Variants in ZNF391 observed in about 807,000 individuals in gnomAD.
The protein encoded by ZNF391 is zinc finger protein 391.
For synonymous variants in ZNF391, 126 were observed against 142.1 expected, an observed-to-expected ratio of 0.89 and a Z score of 0.80; for missense variants, 375 against 425.5, an observed-to-expected ratio of 0.88 and a Z score of 1.04.
At position 27,401,156 on chromosome 6, in the gene ZNF391, A is replaced by G. The variant is rs368168980; in HGVS notation, c.786A>G (p.Ser262=). The G allele has an allele frequency of 1.9e-6, 3 of 1,614,130 alleles. No individual in the cohort carries two copies. In the African/African-American group the frequency reaches 4.0e-5, roughly 22 times the overall value. ...SKCGKAFSWI[S]SLTEHQRTHT... ...GTGGAAAAGCTTTCAGTTGGATCTC[A>G]TCGCTTACTGAACATCAGAGAACAC... Residue 262 remains serine, a synonymous_variant, in exon 3 of 3, where the codon TCA becomes TCG. Coordinates refer to ENST00000244576, the MANE Select transcript of ZNF391 (RefSeq NM_001076781.3).
In ZNF391 at chr6:27,374,767, A is replaced by T. The variant is rs1375144154; in HGVS notation, n.153A>T. 3 of 151,952 alleles carry T rather than the reference A, an allele frequency of 2.0e-5. No homozygotes were observed. The highest frequency in any genetic ancestry group is 7.2e-5 in the African/African-American group (3 of 41,380). The allele number at this position is 151,952 out of a possible 1,614,324, so 9.4% of individuals were successfully genotyped here. ...GAGGCCGGGCTGAGCCCGGAATTTT[A>T]TGACCAGCGCCCGCTGGCCGTCGTC... On this transcript the variant is annotated non_coding_transcript_exon_variant, in exon 1 of 3. Transcript: ENST00000477999. The surrounding 1 kb of genome is among the most constrained non-coding windows in gnomAD (Gnocchi z 5.3).
intron 1 of ZNF391, among the ~76,000 whole-genome samples, chr6:27,392,532 A>G (rs1359407600): frequency 2.0e-5 from 3 of 152,214 alleles, no homozygotes; most frequent in South Asian, 2.1e-4. Flanking sequence ...GATTATAGGT[A>G]TGAGCCAAAG....
intron 1 of ZNF391, among the ~76,000 whole-genome samples, chr6:27,380,647 T>C (rs1346091034): frequency 1.3e-5 from 2 of 152,204 alleles, no homozygotes; most frequent in Non-Finnish European, 2.9e-5. Flanking sequence ...CCAAGTGGTC[T>C]GTTTTGACAG....
intron 1 of ZNF391, among the ~76,000 whole-genome samples, chr6:27,395,707 T>A (rs1434378634): frequency 6.6e-6 from 1 of 152,166 alleles, no homozygotes; most frequent in Non-Finnish European, 1.5e-5. Context: ...TCTGTCATAG[T>A]TCTTTCTCTT....
chr6:27,394,182 T>C (rs555132773), intron 1 of ZNF391, among the ~76,000 whole-genome samples: 1 of 152,060 alleles, frequency 6.6e-6, no homozygotes, highest in African/African-American at 2.4e-5. Context: ...GTCAAGAAAA[T>C]AGGAAAAAGG....
In ZNF391 at chr6:27,389,020, G is replaced by A. The variant is rs951629968; in HGVS notation, c.-243G>A. ...TGCGGGACCCGCCCGGGGTGTGTCG[G>A]GGGTACTCGGCCGGAGGCGGCCGGT... On this transcript the variant is annotated 5_prime_UTR_variant, in exon 1 of 3. Coordinates refer to ENST00000244576, the MANE Select transcript of ZNF391 (RefSeq NM_001076781.3). 6.6e-6 allele frequency: 3 copies of A among 456,328 alleles called. No individual in the cohort carries two copies. Among genetic ancestry groups the A allele is most frequent in the South Asian group, 4.6e-5 (3 of 64,536 alleles). The allele number at this position is 456,328 out of a possible 1,614,324, so 28.3% of individuals were successfully genotyped here. A position where few individuals can be genotyped will look rare whatever the true frequency, so the allele number is the denominator to read the frequency against.
intron 1 of ZNF391, among the ~76,000 whole-genome samples, chr6:27,381,579 C>A (rs911106400): frequency 6.6e-6 from 1 of 152,176 alleles, no homozygotes; most frequent in African/African-American, 2.4e-5. Context: ...GCGCCGAGAG[C>A]GAGCGAGGGC....
rs750411149 is a variant in ZNF391, at chr6:27,400,208, A to G, written c.-78-85A>G. ...AAAGTTGCTAGTATGCATGAATTCAAATTAGTTGTCTTTTCTCTGCTGGTT... is the reference window on the plus strand; with the variant it reads ...AAAGTTGCTAGTATGCATGAATTCAGATTAGTTGTCTTTTCTCTGCTGGTT... On this transcript the variant is annotated intron_variant, in intron 2 of 2. Transcript: ENST00000244576. The G allele has an allele frequency of 5.6e-4, 321 of 577,930 alleles. 1 individual carries two copies. Among genetic ancestry groups the G allele is most frequent in the Non-Finnish European group, 8.3e-4 (286 of 346,046 alleles). The allele number at this position is 577,930 out of a possible 1,614,324, so 35.8% of individuals were successfully genotyped here. A position where few individuals can be genotyped will look rare whatever the true frequency, so the allele number is the denominator to read the frequency against.
upstream of ZNF391, among the ~76,000 whole-genome samples, chr6:27,383,759 C>T (rs1022118129): frequency 2.0e-5 from 3 of 152,100 alleles, no homozygotes; most frequent in South Asian, 6.2e-4. Flanking sequence ...AGGGTTTCAA[C>T]TTATAAATTT....
At chr6:27,393,331 A>G (rs1254696084) in intron 1 of ZNF391, among the ~76,000 whole-genome samples, 1 of 152,048 alleles carries the variant, frequency 6.6e-6, no homozygotes, top group Non-Finnish European at 1.5e-5. Flanking sequence ...TGGTTGTGTA[A>G]AAGTGTGTGG....
At position 27,401,760 on chromosome 6, in the gene ZNF391, G is replaced by C. The variant is rs925529344; in HGVS notation, c.*313G>C. 4.9e-6 allele frequency: 1 copy of C among 204,082 alleles called. No individual in the cohort carries two copies. Among genetic ancestry groups the C allele is most frequent in the East Asian group, 1.1e-4 (1 of 9,034 alleles). The allele number at this position is 204,082 out of a possible 1,614,324, so 12.6% of individuals were successfully genotyped here. A position where few individuals can be genotyped will look rare whatever the true frequency, so the allele number is the denominator to read the frequency against. ...CATATGAAATCTAATATTCTGAAGG[G>C]CTCCAACTTTAGAGTATAAAGCTAT... On this transcript the variant is annotated 3_prime_UTR_variant, in exon 3 of 3. Coordinates refer to ENST00000244576, the MANE Select transcript of ZNF391 (RefSeq NM_001076781.3).
At chr6:27,390,652 C>T (rs1268327199) in intron 1 of ZNF391, among the ~76,000 whole-genome samples, 1 of 152,212 alleles carries the variant, frequency 6.6e-6, no homozygotes, top group African/African-American at 2.4e-5. Context: ...TGCATCTCTC[C>T]ATGCTCTAGA....
chr6:27,401,537 G>GAA lies in ZNF391; in HGVS notation c.*90_*91insAA. The GAA allele has an allele frequency of 1.0e-6, 1 of 998,008 alleles. No homozygotes were observed. The highest frequency in any genetic ancestry group is 1.4e-6 in the Non-Finnish European group (1 of 707,334). The allele number at this position is 998,008 out of a possible 1,614,324, so 61.8% of individuals were successfully genotyped here. A position where few individuals can be genotyped will look rare whatever the true frequency, so the allele number is the denominator to read the frequency against. Reference sequence around the variant, plus strand: ...ATATATTTCAAGTATATATATACTTGTTCTAATTTTCTTTTATTAGATACC... The same window carrying GAA: ...ATATATTTCAAGTATATATATACTTGAATTCTAATTTTCTTTTATTAGATACC... On this transcript the variant is annotated 3_prime_UTR_variant, in exon 3 of 3. Transcript: ENST00000244576.
At chr6:27,395,317 C>G (rs780184856) in intron 1 of ZNF391, among the ~76,000 whole-genome samples, 11 of 151,636 alleles carry the variant, frequency 7.3e-5, no homozygotes, top group Middle Eastern at 3.4e-3. Context: ...GCTGTCCTTG[C>G]AATAATGAGT....
rs1761925369 is a variant in ZNF391 at position 27,400,518 on chromosome 6, C to T, written c.148C>T (p.Leu50Phe). ...AGTGGTCAGAAAAGTGTCAGTGACA[C>T]TCAAAGAAATTTTCACAGGGGAGGA... ...NTVVRKVSVTLKEIFTGEEGP... is the reference protein window; with the variant it reads ...NTVVRKVSVTFKEIFTGEEGP... Residue 50 changes from leucine to phenylalanine, a missense_variant, in exon 3 of 3, where the codon CTC (leucine) becomes TTC (phenylalanine). By Grantham distance (22) the Leu-to-Phe change is conservative. Coordinates refer to ENST00000244576, the MANE Select transcript of ZNF391 (RefSeq NM_001076781.3). 6.2e-7 allele frequency: 1 copy of T among 1,614,188 alleles called. No individual in the cohort carries two copies. Among genetic ancestry groups the T allele is most frequent in the East Asian group, 2.2e-5 (1 of 44,876 alleles).
rs1761931694 is a variant in ZNF391, at chr6:27,400,694, T to C, written c.324T>C (p.Pro108=). 4 of 1,613,768 alleles carry C rather than the reference T, an allele frequency of 2.5e-6. No homozygotes were observed. ...KHQRLFSQRK[P]CKCNECEKAF... ...AAAGACTTTTCTCACAAAGAAAACC[T>C]TGTAAATGCAATGAATGTGAAAAAG... Residue 108 remains proline (P), a synonymous_variant, in exon 3 of 3, where the codon CCT becomes CCC. Coordinates refer to ENST00000244576, the MANE Select transcript of ZNF391 (RefSeq NM_001076781.3).
intron 1 of ZNF391, among the ~76,000 whole-genome samples, chr6:27,381,299 C>T (rs1181940269): frequency 6.6e-6 from 1 of 152,170 alleles, no homozygotes; most frequent in Admixed American, 6.5e-5. Flanking sequence ...CTTCCGCAGC[C>T]GCTGGCCCGG....
At chr6:27,397,353 G>A (rs1321664216) in intron 1 of ZNF391, among the ~76,000 whole-genome samples, 2 of 152,136 alleles carry the variant, frequency 1.3e-5, no homozygotes. Context: ...ATCACCAAGA[G>A]GATGCTGCTA....
At chr6:27,375,426 G>C (rs1251295719) in intron 1 of ZNF391, among the ~76,000 whole-genome samples, 1 of 152,190 alleles carries the variant, frequency 6.6e-6, no homozygotes, top group Non-Finnish European at 1.5e-5. Context: ...ATGCAGTAAA[G>C]TTCCTCTGCA....
Sources: allele counts gnomAD v4.1 joint callset (sites outside exome capture counted in the v4.1 genomes callset), GRCh38; gene constraint gnomAD v4.1.1; non-coding constraint Gnocchi (gnomAD v3.1); transcripts MANE v1.5; gene names NCBI Gene and HGNC (gene_info 2026-07-23, HGNC 2026-07-21).